Variants in PIGU observed in about 807,000 individuals in gnomAD.
PIGU encodes GPI-anchor transamidase component PIGU.
A neutral mutation model predicts 49.9 loss-of-function variants in PIGU; 24 were observed. The ratio of observed to expected loss-of-function variants is 0.48; its 90% CI spans 0.35 to 0.68. PIGU has a LOEUF of 0.68. Among genes scored for constraint, PIGU ranks in the 30% least tolerant of loss-of-function variants. PIGU has a pLI of 0.01. For synonymous variants in PIGU, 220 were observed against 205.7 expected (o/e 1.07, Z -0.59); for missense variants, 490 against 532.6 (o/e 0.92, Z 0.79).
intron 7 of PIGU, among the ~76,000 whole-genome samples, chr20:34,591,914 G>A (rs927058751): frequency 3.3e-5 from 5 of 152,212 alleles, no homozygotes; most frequent in South Asian, 4.1e-4. Context: ...GTAGGCCGGC[G>A]TGTTGGCTCA....
chr20:34,664,105 T>G (rs998582244), intron 1 of PIGU, among the ~76,000 whole-genome samples: 1 of 152,234 alleles, frequency 6.6e-6, no homozygotes, highest in African/African-American at 2.4e-5. Context: ...TATTACTTAA[T>G]TGATAACTGA....
At chr20:34,562,648 T>C (rs1982576192) in intron 11 of PIGU, 1 of 1,071,182 alleles carries the variant, frequency 9.3e-7, no homozygotes, top group Non-Finnish European at 1.3e-6. Flanking sequence ...AGGCTACACC[T>C]GGAGCACTGG....
rs1170613023 is a variant in PIGU, at chr20:34,588,559, A to C, written c.676T>G (p.Ser226Ala). ...KMKSKAFWIF[S>A]WEYAMMYVGS... Reference sequence around the variant, plus strand: ...ACATACATCATGGCATACTCCCAAGAAAAGATCCAGAAGGCTTTGCTCTTC... The same window carrying C: ...ACATACATCATGGCATACTCCCAAGCAAAGATCCAGAAGGCTTTGCTCTTC... The change falls in exon 8 of 12, where the codon TCT (serine) becomes GCT (alanine). Residue 226 changes from serine to alanine, a missense_variant. By Grantham distance (99) the Ser-to-Ala change is moderately conservative (BLOSUM62 1). Transcript: ENST00000217446. 1 of 1,614,094 alleles carries C rather than the reference A, an allele frequency of 6.2e-7. No homozygotes were observed. The highest frequency in any genetic ancestry group is 8.5e-7 in the Non-Finnish European group (1 of 1,179,936).
intron 9 of PIGU, among the ~76,000 whole-genome samples, chr20:34,581,978 G>A (rs1983495089): frequency 6.6e-6 from 1 of 152,230 alleles, no homozygotes. Context: ...GAGCCACAGA[G>A]GAAGAAAACA....
intron 1 of PIGU, among the ~76,000 whole-genome samples, chr20:34,659,702 T>C (rs1986870340): frequency 6.6e-6 from 1 of 152,194 alleles, no homozygotes; most frequent in South Asian, 2.1e-4. Flanking sequence ...TTTTGTTCTG[T>C]ACTAAGAAAA....
At chr20:34,590,787 C>CT (rs1983938009) in intron 7 of PIGU, among the ~76,000 whole-genome samples, 1 of 152,220 alleles carries the variant, frequency 6.6e-6, no homozygotes, top group Admixed American at 6.5e-5. Flanking sequence ...CTTTGGGAGG[C>CT]TGAGGCAAGC....
chr20:34,618,185 T>C (rs971596075), intron 6 of PIGU, among the ~76,000 whole-genome samples: 34 of 152,240 alleles, frequency 2.2e-4, no homozygotes, highest in African/African-American at 7.5e-4. Context: ...TGAACAATTT[T>C]TCATTTTTGC....
At chr20:34,636,372 G>A (rs917909709) in intron 5 of PIGU, among the ~76,000 whole-genome samples, 6 of 151,762 alleles carry the variant, frequency 4.0e-5, no homozygotes, top group African/African-American at 9.7e-5. Flanking sequence ...GTGAAACCCC[G>A]TCTCTGCTAA....
At chr20:34,658,491 C>A (rs1986788637) in intron 1 of PIGU, among the ~76,000 whole-genome samples, 1 of 152,006 alleles carries the variant, frequency 6.6e-6, no homozygotes, top group South Asian at 2.1e-4. Flanking sequence ...GCCTGGCTGC[C>A]CAGTCTGGAA....
At position 34,656,164 on chromosome 20, in the gene PIGU, G is replaced by A. The variant is rs1227290853; in HGVS notation, c.195+1016C>T. 1.7e-5 allele frequency among the ~76,000 whole-genome samples: 2 copies of A among 118,416 alleles called. 1 individual carries two copies. Among genetic ancestry groups the A allele is most frequent in the Non-Finnish European group, 3.6e-5 (2 of 55,806 alleles). The allele number at this position is 118,416 out of a possible 152,430, so 77.7% of individuals were successfully genotyped here. On this transcript the variant is annotated intron_variant, in intron 2 of 11. Coordinates refer to ENST00000217446, the MANE Select transcript of PIGU (RefSeq NM_080476.5). ...ATTTTTTGTATGTTTAGTAGAGCTG[G>A]GGGTTTACCACGTTGGCCAGGCTGG...
intron 7 of PIGU, among the ~76,000 whole-genome samples, chr20:34,605,213 G>A (rs367711520): frequency 3.2e-4 from 48 of 152,220 alleles, no homozygotes; most frequent in Middle Eastern, 3.4e-3. Flanking sequence ...TTGAGTTGCC[G>A]GATGGAACCA....
intron 6 of PIGU, among the ~76,000 whole-genome samples, chr20:34,617,045 G>A (rs1443321047): frequency 6.6e-6 from 1 of 152,246 alleles, no homozygotes; most frequent in Non-Finnish European, 1.5e-5. Context: ...GGGAGGCAGA[G>A]GTTGCAGTGA....
At chr20:34,591,468 A>G (rs1328476543) in intron 7 of PIGU, among the ~76,000 whole-genome samples, 3 of 152,188 alleles carry the variant, frequency 2.0e-5, no homozygotes, top group Admixed American at 6.5e-5. Context: ...ATTCACATTC[A>G]TTTCAAGCAT....
intron 1 of PIGU, among the ~76,000 whole-genome samples, chr20:34,658,439 T>G (rs1986786840): frequency 6.6e-6 from 1 of 152,070 alleles, no homozygotes; most frequent in Non-Finnish European, 1.5e-5. Flanking sequence ...GAGGAGCATC[T>G]CTGCCTGGCC....
chr20:34,675,268 A>AAG (rs34356144), intron 1 of PIGU, among the ~76,000 whole-genome samples: 30 of 130,422 alleles, frequency 2.3e-4, no homozygotes, highest in African/African-American at 7.9e-4. Context: ...AAAAAAAAAA[A>AAG]AGAGAGAGAG....
At chr20:34,612,778 A>G (rs557313319) in intron 7 of PIGU, among the ~76,000 whole-genome samples, 1 of 151,758 alleles carries the variant, frequency 6.6e-6, no homozygotes, top group African/African-American at 2.4e-5. Flanking sequence ...ACACTCCCCC[A>G]TGTCTGGCTA....
intron 5 of PIGU, among the ~76,000 whole-genome samples, chr20:34,637,659 C>T (rs938949809): frequency 1.3e-5 from 2 of 152,172 alleles, no homozygotes; most frequent in Non-Finnish European, 2.9e-5. Flanking sequence ...TTTGATTGTA[C>T]ACAGCCCTGT....
chr20:34,647,540 G>C (rs931472518), intron 2 of PIGU, among the ~76,000 whole-genome samples: 1 of 151,848 alleles, frequency 6.6e-6, no homozygotes, highest in Non-Finnish European at 1.5e-5. Context: ...GATTACAAGC[G>C]TGAGCCACCA....
chr20:34,599,190 T>C (rs538654315), intron 7 of PIGU, among the ~76,000 whole-genome samples: 2 of 152,260 alleles, frequency 1.3e-5, no homozygotes, highest in Admixed American at 6.5e-5. Flanking sequence ...CAGTGGGCCA[T>C]GCCTGTAATC....
Sources: allele counts gnomAD v4.1 joint callset (sites outside exome capture counted in the v4.1 genomes callset), GRCh38; gene constraint gnomAD v4.1.1; transcripts MANE v1.5; gene names NCBI Gene and HGNC (gene_info 2026-07-23, HGNC 2026-07-21).